The following SNAP29 variants were observed in gnomAD, a reference collection of about 807,000 sequenced individuals.
SNAP29 encodes the protein synaptosomal-associated protein 29.
A neutral mutation model predicts 27.9 loss-of-function variants in SNAP29; 13 were observed. That is an observed-to-expected ratio of 0.47 (90% CI 0.30 to 0.74). The LOEUF (loss-of-function observed/expected upper bound fraction) is 0.74, where lower values mean the gene tolerates loss of function less well. Among genes scored for constraint, SNAP29 ranks in the 30% least tolerant of loss-of-function variants. The pLI, the probability that SNAP29 is intolerant of heterozygous loss-of-function variation, is 0.06. For missense variants in SNAP29, 368 were observed against 336.5 expected (o/e 1.09, Z -0.73); for synonymous variants, 119 against 127.1 (o/e 0.94, Z 0.43).
Position 20,859,272 on chromosome 22 carries a change from G to C in SNAP29, c.162G>C (p.Glu54Asp). 1 of 1,609,218 alleles carries C rather than the reference G, an allele frequency of 6.2e-7. No individual in the cohort carries two copies. Among genetic ancestry groups the C allele is most frequent in the Non-Finnish European group, 8.5e-7 (1 of 1,178,866 alleles). Reference protein sequence around the residue: ...YLRQEVLRRAEATAASTSRSL... With the variant: ...YLRQEVLRRADATAASTSRSL... Reference sequence around the variant, plus strand: ...GGCAGGAGGTCCTCCGCAGGGCTGAGGCCACGGCCGCCAGCACCAGCAGGT... The same window carrying C: ...GGCAGGAGGTCCTCCGCAGGGCTGACGCCACGGCCGCCAGCACCAGCAGGT... The change falls in exon 1 of 5, where the codon GAG becomes GAC. Residue 54 changes from glutamate (E) to aspartate (D), a missense_variant. By Grantham distance (45) the Glu-to-Asp change is conservative. Coordinates refer to ENST00000215730, the MANE Select transcript of SNAP29 (RefSeq NM_004782.4).
At position 20,881,030 on chromosome 22, in the gene SNAP29, T is replaced by C. The variant is rs759906399; in HGVS notation, c.435-19T>C. ...TTTCCTTTTTAAACGTTTTCTTTTT[T>C]GTGAACTTTTATCCAAAGATTGAAA... On this transcript the variant is annotated intron_variant, in intron 2 of 4. Coordinates refer to ENST00000215730, the MANE Select transcript of SNAP29 (RefSeq NM_004782.4). 1 of 1,537,484 alleles carries C rather than the reference T, an allele frequency of 6.5e-7. No individual in the cohort carries two copies. Among genetic ancestry groups the C allele is most frequent in the South Asian group, 1.1e-5 (1 of 89,532 alleles).
In SNAP29 at chr22:20,859,135, A is replaced by AT; in HGVS notation, c.25_26insT (p.Asn9IlefsTer46). On this transcript the variant is annotated frameshift_variant, in exon 1 of 5. Coordinates refer to ENST00000215730, the MANE Select transcript of SNAP29 (RefSeq NM_004782.4). LOFTEE classifies it high-confidence loss of function. ...CATGTCAGCTTACCCTAAAAGCTAC[A>AT]ATCCGTTCGACGACGACGGGGAGGA... 6.2e-7 allele frequency: 1 copy of AT among 1,608,174 alleles called. No homozygotes were observed. Among genetic ancestry groups the AT allele is most frequent in the Non-Finnish European group, 8.5e-7 (1 of 1,178,376 alleles).
intron 4 of SNAP29, among the ~76,000 whole-genome samples, chr22:20,887,232 A>C (rs187184798): frequency 4.1e-4 from 63 of 152,024 alleles, no homozygotes; most frequent in African/African-American, 5.8e-4. Context: ...CTCAAAAAAA[A>C]AAAAAACAAA....
intron 1 of SNAP29, among the ~76,000 whole-genome samples, chr22:20,860,016 A>G (rs1366008251): frequency 6.6e-6 from 1 of 152,120 alleles, no homozygotes; most frequent in Non-Finnish European, 1.5e-5. Flanking sequence ...CATCTTCATC[A>G]GTTCTTCCCA....
At chr22:20,866,813 C>T (rs1601645959) in intron 1 of SNAP29, among the ~76,000 whole-genome samples, 2 of 152,198 alleles carry the variant, frequency 1.3e-5, no homozygotes, top group Admixed American at 1.3e-4. Context: ...AACTTTCTGA[C>T]TGCCTAACTT....
intron 4 of SNAP29, among the ~76,000 whole-genome samples, chr22:20,885,786 T>C (rs140222754): frequency 5.9e-5 from 9 of 152,264 alleles, no homozygotes; most frequent in African/African-American, 2.2e-4. Context: ...AGTTCAGAGC[T>C]CAGCCCTCTG....
chr22:20,889,647 T>TGCAC lies in SNAP29; in HGVS notation c.*1813_*1816dup, dbSNP rs1179648953. 6.6e-6 allele frequency: 1 copy of TGCAC among 152,272 alleles called. No individual in the cohort carries two copies. Among genetic ancestry groups the TGCAC allele is most frequent in the Non-Finnish European group, 1.5e-5 (1 of 68,060 alleles). 9.4% of individuals were successfully genotyped at this position (152,272 alleles called of 1,614,324 possible). ...AACCCGGGATGCAGAGCAGCTTTTGTGCACGGTTCCACTTACTGTAATTGT... is the reference window on the plus strand; with the variant it reads ...AACCCGGGATGCAGAGCAGCTTTTGTGCACGCACGGTTCCACTTACTGTAATTGT... On this transcript the variant is annotated 3_prime_UTR_variant, in exon 5 of 5. Coordinates refer to ENST00000215730, the MANE Select transcript of SNAP29 (RefSeq NM_004782.4).
chr22:20,872,495 G>A (rs1486910015), intron 2 of SNAP29, among the ~76,000 whole-genome samples: 1 of 152,098 alleles, frequency 6.6e-6, no homozygotes, highest in Non-Finnish European at 1.5e-5. Context: ...CCGCCTCCCG[G>A]GTTCATGCCG....
chr22:20,890,269 A>C lies in SNAP29; in HGVS notation c.*2433A>C. On this transcript the variant is annotated 3_prime_UTR_variant, in exon 5 of 5. Transcript: ENST00000215730. ...TTTTCACATGATGATTGGGATCGAC[A>C]AAAAAATGCTACCCTCTAGACTAGA... The C allele has an allele frequency of 2.5e-6, 1 of 398,484 alleles. No homozygotes were observed. Among genetic ancestry groups the C allele is most frequent in the Non-Finnish European group, 4.4e-6 (1 of 226,014 alleles). 24.7% of individuals were successfully genotyped at this position (398,484 alleles called of 1,614,324 possible).
At chr22:20,876,654 G>A (rs974317807) in intron 2 of SNAP29, among the ~76,000 whole-genome samples, 3 of 147,408 alleles carry the variant, frequency 2.0e-5, no homozygotes, top group Admixed American at 7.0e-5. Flanking sequence ...TGCAAGCTCC[G>A]TCTCCCACGT....
chr22:20,859,672 G>C (rs1601641331), intron 1 of SNAP29: 1 of 406,234 alleles, frequency 2.5e-6, no homozygotes, highest in South Asian at 2.7e-5. Context: ...CAGGTCCTAG[G>C]TTTGGGAAAT....
chr22:20,859,070 C>A lies in SNAP29; in HGVS notation c.-41C>A. ...GCCCTGGACGGCGGCGGCAGTGGGG[C>A]TCCTCCTTCTGTTTCCCAGACCGAG... On this transcript the variant is annotated 5_prime_UTR_variant, in exon 1 of 5. Coordinates refer to ENST00000215730, the MANE Select transcript of SNAP29 (RefSeq NM_004782.4). 6.6e-7 allele frequency: 1 copy of A among 1,510,848 alleles called. No homozygotes were observed. Among genetic ancestry groups the A allele is most frequent in the Admixed American group, 1.8e-5 (1 of 55,718 alleles). 93.6% of individuals were successfully genotyped at this position (1,510,848 alleles called of 1,614,324 possible).
chr22:20,863,241 C>G (rs1187030464), intron 1 of SNAP29, among the ~76,000 whole-genome samples: 1 of 152,198 alleles, frequency 6.6e-6, no homozygotes, highest in Non-Finnish European at 1.5e-5. Flanking sequence ...GGAGTATGAG[C>G]TCTTCCAACC....
chr22:20,882,318 G>A (rs907956380), intron 3 of SNAP29, among the ~76,000 whole-genome samples: 1 of 151,806 alleles, frequency 6.6e-6, no homozygotes, highest in African/African-American at 2.4e-5. Flanking sequence ...GTGCAAGACA[G>A]TGTTGATCGA....
At chr22:20,868,688 C>A (rs989677215) in intron 1 of SNAP29, among the ~76,000 whole-genome samples, 1 of 152,166 alleles carries the variant, frequency 6.6e-6, no homozygotes, top group African/African-American at 2.4e-5. Context: ...AGGAAGGCAG[C>A]TGAGGGCAGA....
intron 1 of SNAP29, among the ~76,000 whole-genome samples, chr22:20,860,194 T>TAAA (rs397721475): frequency 2.7e-4 from 38 of 138,958 alleles, no homozygotes; most frequent in African/African-American, 9.8e-4. Context: ...CCACTAAAAT[T>TAAA]AAAAAAAAAA....
Position 20,870,349 on chromosome 22 carries a change from C to T in SNAP29, c.250C>T (p.Gln84Ter), listed in dbSNP as rs1315355162. ...TCGGTTTCCCCAGGAGCTCGCCCGT[C>T]AGCGAGGAGTCCTGGAGCGCACAGA... is the stretch of plus-strand genomic sequence containing the variant. ...GVASSEELAR[Q>*]RGVLERTEKM... The change falls in exon 2 of 5, where the codon CAG becomes TAG. Residue 84 changes from glutamine to a stop codon, truncating the protein, a stop_gained. Transcript: ENST00000215730. LOFTEE classifies it high-confidence loss of function. 2 of 1,614,052 alleles carry T rather than the reference C, an allele frequency of 1.2e-6. No homozygotes were observed. The highest frequency in any genetic ancestry group is 2.2e-5 in the South Asian group (2 of 91,070).
rs766993426 is a variant in SNAP29 at position 20,859,641 on chromosome 22, G to T, written c.237+294G>T. ...AAACGCCAGATTATTTTCTGTCCAG[G>T]TGAGTAAAAATTCTGAACAGCAGGT... On this transcript the variant is annotated intron_variant, in intron 1 of 4. Coordinates refer to ENST00000215730, the MANE Select transcript of SNAP29 (RefSeq NM_004782.4). 4 of 477,354 alleles carry T rather than the reference G, an allele frequency of 8.4e-6. No individual in the cohort carries two copies. In the East Asian group the frequency reaches 1.2e-4, roughly 14 times the overall value. The allele number at this position is 477,354 out of a possible 1,614,324, so 29.6% of individuals were successfully genotyped here. A position where few individuals can be genotyped will look rare whatever the true frequency, so the allele number is the denominator to read the frequency against.
chr22:20,880,628 A>G lies in SNAP29; in HGVS notation c.435-421A>G, dbSNP rs531378519. ...GGTTTGGTTGTTCCATGTGCTTTTC[A>G]TCTGCCTGGTCCTAGGAATCCAGGT... On this transcript the variant is annotated intron_variant, in intron 2 of 4. Coordinates refer to ENST00000215730, the MANE Select transcript of SNAP29 (RefSeq NM_004782.4). 7.9e-5 allele frequency among the ~76,000 whole-genome samples: 12 copies of G among 152,234 alleles called. No homozygotes were observed. In the South Asian group the frequency reaches 2.5e-3, roughly 32 times the overall value.
Sources: gnomAD v4.1 joint callset for allele counts (sites outside exome capture counted in the v4.1 genomes callset) on GRCh38, gnomAD v4.1.1 for gene constraint, MANE v1.5 for transcripts, NCBI Gene and HGNC (gene_info 2026-07-23, HGNC 2026-07-21) for gene names.